Variants in KHDRBS3 observed in about 807,000 individuals in gnomAD.
The protein encoded by KHDRBS3 is KH domain-containing, RNA-binding, signal transduction-associated protein 3.
KHDRBS3 carries 23 observed loss-of-function variants against 45.6 expected under a neutral mutation model. The observed-to-expected ratio is 0.50, with a 90% CI of 0.36 to 0.72. KHDRBS3 has a LOEUF of 0.72. Among genes scored for constraint, KHDRBS3 ranks in the 30% least tolerant of loss-of-function variants. The pLI, the probability that KHDRBS3 is intolerant of heterozygous loss-of-function variation, is 0.00. For synonymous variants in KHDRBS3, 162 were observed against 156.5 expected (o/e 1.04, Z -0.26); for missense variants, 352 against 424.8 (o/e 0.83, Z 1.51).
At chr8:135,482,711 G>T (rs1408588691) in intron 1 of KHDRBS3, among the ~76,000 whole-genome samples, 1 of 152,114 alleles carries the variant, frequency 6.6e-6, no homozygotes, top group Non-Finnish European at 1.5e-5. Context: ...TGATAGAATG[G>T]ATATAAAATG....
chr8:135,636,408 T>C lies in KHDRBS3; in HGVS notation c.891-8651T>C, dbSNP rs547190866. Reference sequence around the variant, plus strand: ...TCTCATGCAGCTTCGTGCCACTGCCTTGACTTTTGGTCAACAACCACCAAC... The same window carrying C: ...TCTCATGCAGCTTCGTGCCACTGCCCTGACTTTTGGTCAACAACCACCAAC... On this transcript the variant is annotated intron_variant, in intron 7 of 8. Transcript: ENST00000355849. Among the ~76,000 whole-genome samples, 5 of 152,370 alleles carry C rather than the reference T, an allele frequency of 3.3e-5. No homozygotes were observed. The South Asian group carries it at 1.0e-3, about 32-fold the overall frequency.
In KHDRBS3 at chr8:135,602,953, T is replaced by G. The variant is rs530331604; in HGVS notation, c.808-4002T>G. ...TGATTCCTTGAATGAGCTTAGTTCT[T>G]GTCTTCCTGTACCTCCATTGTTTTT... is the stretch of plus-strand genomic sequence containing the variant. On this transcript the variant is annotated intron_variant, in intron 6 of 8. Coordinates refer to ENST00000355849, the MANE Select transcript of KHDRBS3 (RefSeq NM_006558.3). Among the ~76,000 whole-genome samples the G allele has an allele frequency of 6.6e-5, 10 of 152,364 alleles. No homozygotes were observed. The East Asian group carries it at 1.7e-3, about 26-fold the overall frequency.
At chr8:135,635,185 T>C (rs1830759069) in intron 7 of KHDRBS3, among the ~76,000 whole-genome samples, 1 of 152,264 alleles carries the variant, frequency 6.6e-6, no homozygotes, top group African/African-American at 2.4e-5. Context: ...GAAAAATCTC[T>C]ATTTTCTTAA....
At chr8:135,473,261 A>G (rs1440048912) in intron 1 of KHDRBS3, among the ~76,000 whole-genome samples, 6 of 152,128 alleles carry the variant, frequency 3.9e-5, no homozygotes, top group Non-Finnish European at 5.9e-5. Context: ...ATTGGTGACC[A>G]CGTGGCTTCC....
intron 7 of KHDRBS3, among the ~76,000 whole-genome samples, chr8:135,609,919 T>A (rs1829640490): frequency 6.6e-6 from 1 of 151,912 alleles, no homozygotes; most frequent in South Asian, 2.1e-4. Context: ...GTGTTTCAGA[T>A]ACTATGCTAA....
chr8:135,524,371 A>G (rs942101641), intron 2 of KHDRBS3, among the ~76,000 whole-genome samples: 1 of 152,168 alleles, frequency 6.6e-6, no homozygotes, highest in Non-Finnish European at 1.5e-5. Context: ...GTTTCATAAA[A>G]TGACTTGGGA....
chr8:135,484,419 C>T (rs116382439), intron 1 of KHDRBS3, among the ~76,000 whole-genome samples: 1,645 of 152,322 alleles, frequency 0.011, 27 homozygotes, highest in African/African-American at 0.038. Flanking sequence ...TAGGCCCCTC[C>T]TCTCCGCCGG....
chr8:135,576,124 T>TA (rs1827935763), intron 5 of KHDRBS3, among the ~76,000 whole-genome samples: 1 of 152,188 alleles, frequency 6.6e-6, no homozygotes, highest in East Asian at 1.9e-4. Context: ...ACCACAGAGG[T>TA]AAAATGCCAT....
At chr8:135,645,745 C>T (rs1481916723) in intron 8 of KHDRBS3, among the ~76,000 whole-genome samples, 4 of 152,098 alleles carry the variant, frequency 2.6e-5, no homozygotes, top group African/African-American at 4.8e-5. Flanking sequence ...AAAGAATTGG[C>T]GGCAGCAACA....
At chr8:135,461,904 A>G (rs897188205) in intron 1 of KHDRBS3, among the ~76,000 whole-genome samples, 1 of 152,244 alleles carries the variant, frequency 6.6e-6, no homozygotes, top group Non-Finnish European at 1.5e-5. Context: ...AATGGTTTTT[A>G]TATCAGTTTC....
chr8:135,548,435 T>G (rs1473592298), intron 3 of KHDRBS3, among the ~76,000 whole-genome samples: 2 of 152,090 alleles, frequency 1.3e-5, no homozygotes, highest in Non-Finnish European at 2.9e-5. Context: ...TGCGGAGGGT[T>G]GAGCAAAGGA....
chr8:135,503,793 T>G (rs1823856046), intron 1 of KHDRBS3, among the ~76,000 whole-genome samples: 1 of 152,246 alleles, frequency 6.6e-6, no homozygotes. Context: ...ATGGTAGGAC[T>G]GCCACAATTG....
At chr8:135,644,936 T>G in intron 7 of KHDRBS3, 123 bp from the exon 8 acceptor site, 2 of 981,444 alleles carry the variant, frequency 2.0e-6, no homozygotes, top group Non-Finnish European at 3.1e-6. Context: ...TCGGTGGGAA[T>G]TTCTTTGAAT....
At chr8:135,587,084 C>CA (rs1828511594) in intron 6 of KHDRBS3, among the ~76,000 whole-genome samples, 1 of 152,174 alleles carries the variant, frequency 6.6e-6, no homozygotes, top group Non-Finnish European at 1.5e-5. Context: ...AGAAAACGTA[C>CA]TGTTAGCCAA....
intron 1 of KHDRBS3, among the ~76,000 whole-genome samples, chr8:135,519,070 C>G (rs1824773299): frequency 6.6e-6 from 1 of 152,104 alleles, no homozygotes; most frequent in Admixed American, 6.6e-5. Context: ...GACAAAATGA[C>G]AAATTCATTT....
chr8:135,555,957 C>T (rs1391243212), intron 4 of KHDRBS3, among the ~76,000 whole-genome samples: 1 of 152,154 alleles, frequency 6.6e-6, no homozygotes, highest in Non-Finnish European at 1.5e-5. Context: ...CATTGTCCAC[C>T]TCCCACTTAT....
chr8:135,571,220 C>T (rs1827686775), intron 5 of KHDRBS3, among the ~76,000 whole-genome samples: 1 of 152,170 alleles, frequency 6.6e-6, no homozygotes, highest in South Asian at 2.1e-4. Context: ...GGGTTGCCAA[C>T]TTATTTTTTC....
intron 1 of KHDRBS3, among the ~76,000 whole-genome samples, chr8:135,515,239 G>A (rs1234264597): frequency 5.3e-5 from 8 of 151,722 alleles, no homozygotes; most frequent in Middle Eastern, 3.4e-3. Context: ...GGTGGCGGGC[G>A]CCTGTGGTCC....
At chr8:135,495,745 GC>G (rs1823405108) in intron 1 of KHDRBS3, among the ~76,000 whole-genome samples, 1 of 152,084 alleles carries the variant, frequency 6.6e-6, no homozygotes, top group Non-Finnish European at 1.5e-5. Flanking sequence ...GCAGTTTAGT[GC>G]CAGGTCTATG....
Sources: allele counts gnomAD v4.1 joint callset (sites outside exome capture counted in the v4.1 genomes callset), GRCh38; gene constraint gnomAD v4.1.1; transcripts MANE v1.5; gene names NCBI Gene and HGNC (gene_info 2026-07-23, HGNC 2026-07-21).